RALGPS1: variants seen among roughly 807,000 people sequenced by gnomAD.
RALGPS1 encodes Ral GEF with PH domain and SH3 binding motif 1.
Under a neutral mutation model 78.8 loss-of-function variants are expected in RALGPS1, and 19 were observed. The ratio of observed to expected loss-of-function variants is 0.24; its 90% CI spans 0.17 to 0.35. RALGPS1 has a LOEUF of 0.35. Ranked by LOEUF, RALGPS1 falls within the 10% of genes least tolerant of loss-of-function variation. The pLI, the probability that RALGPS1 is intolerant of heterozygous loss-of-function variation, is 1.00. For synonymous variants in RALGPS1, 228 were observed against 256.3 expected (o/e 0.89, Z 1.06); for missense variants, 454 against 688.3 (o/e 0.66, Z 3.81).
rs2052514575 is a variant in RALGPS1 at position 127,091,818 on chromosome 9, A to G, written c.610+22462A>G. The G allele has an allele frequency of 1.2e-6, 2 of 1,614,170 alleles. No individual in the cohort carries two copies. Among genetic ancestry groups the G allele is most frequent in the Non-Finnish European group, 1.7e-6 (2 of 1,180,012 alleles). ...CCAGGCGGAAACTGGCGTATTCTGC[A>G]AAGACTTTGCGGCCGGACCAGTCCT... On this transcript the variant is annotated intron_variant, in intron 8 of 18. Coordinates refer to ENST00000259351, the MANE Select transcript of RALGPS1 (RefSeq NM_014636.3). This position sits in a 1 kb window ranked among gnomAD's most constrained non-coding sequence, Gnocchi z 4.3.
chr9:127,021,488 ACT>A (rs1206459152), intron 4 of RALGPS1, among the ~76,000 whole-genome samples: 2 of 138,202 alleles, frequency 1.4e-5, no homozygotes, highest in Admixed American at 7.5e-5. Context: ...ACAAAGGGAG[ACT>A]CTGTCTCAAA....
intron 1 of RALGPS1, among the ~76,000 whole-genome samples, chr9:126,940,703 A>AT (rs2036699926): frequency 6.6e-6 from 1 of 151,888 alleles, no homozygotes; most frequent in African/African-American, 2.4e-5. Flanking sequence ...GTATATTCTT[A>AT]TGCTGTTGTG....
rs996823055 is a variant in RALGPS1 at position 127,113,866 on chromosome 9, C to T, written c.610+44510C>T. Reference sequence around the variant, plus strand: ...GTGGTGGGGCCACACATCATGTGTCCGCATCCCTCTCACCACTGTGGTGCC... The same window carrying T: ...GTGGTGGGGCCACACATCATGTGTCTGCATCCCTCTCACCACTGTGGTGCC... On this transcript the variant is annotated intron_variant, in intron 8 of 18. Coordinates refer to ENST00000259351, the MANE Select transcript of RALGPS1 (RefSeq NM_014636.3). Among the ~76,000 whole-genome samples, 3 of 152,306 alleles carry T rather than the reference C, an allele frequency of 2.0e-5. No homozygotes were observed. In the East Asian group the frequency reaches 5.8e-4, roughly 29 times the overall value.
In RALGPS1 at chr9:127,137,863, T is replaced by G. The variant is rs550074711; in HGVS notation, c.611-28206T>G. Among the ~76,000 whole-genome samples the G allele has an allele frequency of 2.0e-5, 3 of 152,300 alleles. No individual in the cohort carries two copies. The East Asian group carries it at 5.8e-4, about 29-fold the overall frequency. On this transcript the variant is annotated intron_variant, in intron 8 of 18. Coordinates refer to ENST00000259351, the MANE Select transcript of RALGPS1 (RefSeq NM_014636.3). ...TTAGATGGATATGGCCATTTGACCT[T>G]GAACAAGTTGTTTGATATCTCTGAG...
chr9:126,921,391 T>A (rs2034737866), intron 1 of RALGPS1, among the ~76,000 whole-genome samples: 1 of 152,250 alleles, frequency 6.6e-6, no homozygotes, highest in East Asian at 1.9e-4. Flanking sequence ...CTGTCATCAT[T>A]GTGAACACCT....
At chr9:127,084,740 A>G (rs2051528637) in intron 8 of RALGPS1, among the ~76,000 whole-genome samples, 1 of 152,236 alleles carries the variant, frequency 6.6e-6, no homozygotes, top group Admixed American at 6.5e-5. Flanking sequence ...CAGGGAAGCC[A>G]TCAACTAATG....
chr9:127,105,461 C>G (rs1470368081), intron 8 of RALGPS1, among the ~76,000 whole-genome samples: 6 of 152,218 alleles, frequency 3.9e-5, no homozygotes, highest in Non-Finnish European at 8.8e-5. Context: ...CAGGGACCCA[C>G]TAGTCACTTG....
At chr9:127,107,776 A>G in intron 8 of RALGPS1, 1 of 849,120 alleles carries the variant, frequency 1.2e-6, no homozygotes, top group African/African-American at 1.7e-5. Flanking sequence ...AGCTCAGCCC[A>G]AGGGATTGCT....
chr9:126,934,343 A>G (rs992664564), intron 1 of RALGPS1, among the ~76,000 whole-genome samples: 3 of 152,204 alleles, frequency 2.0e-5, no homozygotes, highest in Non-Finnish European at 4.4e-5. Context: ...CTGGGAAGGT[A>G]TGTCCTATTG....
chr9:126,921,912 T>C (rs776229172), intron 1 of RALGPS1, among the ~76,000 whole-genome samples: 3 of 152,160 alleles, frequency 2.0e-5, no homozygotes, highest in Non-Finnish European at 4.4e-5. Context: ...TTTCTCAGGG[T>C]ATTAATGTAT....
intron 8 of RALGPS1, among the ~76,000 whole-genome samples, chr9:127,125,938 A>G (rs1171324223): frequency 2.0e-5 from 3 of 152,124 alleles, no homozygotes; most frequent in African/African-American, 2.4e-5. Context: ...TGACAGTTGC[A>G]GGTTTTTTTC....
chr9:127,027,227 G>A (rs912394466), intron 4 of RALGPS1, among the ~76,000 whole-genome samples: 4 of 152,152 alleles, frequency 2.6e-5, no homozygotes, highest in Non-Finnish European at 5.9e-5. Context: ...CCTAGTTTAG[G>A]TCTATCTTTT....
At chr9:127,115,297 C>T (rs2055284872) in intron 8 of RALGPS1, among the ~76,000 whole-genome samples, 1 of 152,184 alleles carries the variant, frequency 6.6e-6, no homozygotes. Flanking sequence ...TCAAGCAGTT[C>T]TCCTGCCTCA....
chr9:127,172,071 G>C (rs2059593546), intron 10 of RALGPS1, among the ~76,000 whole-genome samples: 1 of 152,094 alleles, frequency 6.6e-6, no homozygotes, highest in South Asian at 2.1e-4. Context: ...TCCATTCCTG[G>C]AGTCTTTATT....
intron 7 of RALGPS1, among the ~76,000 whole-genome samples, chr9:127,053,145 G>A (rs768773639): frequency 3.3e-5 from 5 of 152,186 alleles, no homozygotes; most frequent in African/African-American, 1.2e-4. Flanking sequence ...AGGTGCTGAC[G>A]TGGCTGGGGT....
chr9:126,974,741 C>A (rs1485779677), intron 3 of RALGPS1, among the ~76,000 whole-genome samples: 1 of 152,074 alleles, frequency 6.6e-6, no homozygotes, highest in African/African-American at 2.4e-5. Flanking sequence ...TCTCGCTCAG[C>A]CCCACTACTG....
chr9:127,206,840 GC>G (rs2061960008), intron 14 of RALGPS1, among the ~76,000 whole-genome samples: 1 of 152,068 alleles, frequency 6.6e-6, no homozygotes, highest in Non-Finnish European at 1.5e-5. Flanking sequence ...TTTCAGACCT[GC>G]TTGACTAGTC....
chr9:127,188,089 TCTCA>T (rs1358961579), intron 11 of RALGPS1, among the ~76,000 whole-genome samples: 2 of 131,838 alleles, frequency 1.5e-5, no homozygotes, highest in East Asian at 2.6e-4. Flanking sequence ...TTAGACGGAG[TCTCA>T]CTCTGTTGCT....
At chr9:126,997,917 G>A (rs1162555738) in intron 4 of RALGPS1, among the ~76,000 whole-genome samples, 2 of 152,144 alleles carry the variant, frequency 1.3e-5, no homozygotes, top group East Asian at 1.9e-4. Flanking sequence ...CAAGCAATGG[G>A]GAAAGGATTC....
Sources: gnomAD v4.1 joint callset for allele counts (sites outside exome capture counted in the v4.1 genomes callset) on GRCh38, gnomAD v4.1.1 for gene constraint, Gnocchi (gnomAD v3.1) non-coding constraint, MANE v1.5 for transcripts, NCBI Gene and HGNC (gene_info 2026-07-23, HGNC 2026-07-21) for gene names.